ITPKB: variants seen among roughly 807,000 people sequenced by gnomAD.
ITPKB encodes inositol-trisphosphate 3-kinase B.
Under a neutral mutation model 69.4 loss-of-function variants are expected in ITPKB, and 13 were observed. The observed-to-expected ratio is 0.19, with a 90% CI of 0.12 to 0.30. The LOEUF (loss-of-function observed/expected upper bound fraction) is 0.30, where lower values mean the gene tolerates loss of function less well. Among genes scored for constraint, ITPKB ranks in the 10% least tolerant of loss-of-function variants. The pLI is 1.00. For missense variants in ITPKB, 1,240 were observed against 1,250.5 expected, an observed-to-expected ratio of 0.99 and a Z score of 0.13; for synonymous variants, 584 against 513.7, an observed-to-expected ratio of 1.14 and a Z score of -1.85.
rs968135651 is a variant in ITPKB at position 226,738,097 on chromosome 1, C to A, written c.-205-434G>T. 6.6e-6 allele frequency among the ~76,000 whole-genome samples: 1 copy of A among 152,150 alleles called. No homozygotes were observed. The highest frequency in any genetic ancestry group is 2.4e-5 in the African/African-American group (1 of 41,438). On this transcript the variant is annotated intron_variant, in intron 1 of 7. Coordinates refer to ENST00000429204, the MANE Select transcript of ITPKB (RefSeq NM_002221.4). The surrounding 1 kb of genome is among the most constrained non-coding windows in gnomAD (Gnocchi z 4.2). ...ACATTGGCTATCCAGGGCAACCCGG[C>A]AGCCCTCGCCCTGGGCTTCAGGGTC...
At chr1:226,667,116 G>C (rs1327446982) in intron 2 of ITPKB, among the ~76,000 whole-genome samples, 1 of 152,074 alleles carries the variant, frequency 6.6e-6, no homozygotes, top group African/African-American at 2.4e-5. Context: ...ACTCAAAAAG[G>C]CTAATCGCTT....
chr1:226,636,691 C>T (rs193064429), intron 7 of ITPKB, among the ~76,000 whole-genome samples: 3 of 152,112 alleles, frequency 2.0e-5, no homozygotes, highest in Non-Finnish European at 4.4e-5. Context: ...CTGCAGGGAG[C>T]CGCAGGATCC....
At chr1:226,715,179 G>A (rs900378159) in intron 2 of ITPKB, among the ~76,000 whole-genome samples, 30 of 152,210 alleles carry the variant, frequency 2.0e-4, no homozygotes, top group African/African-American at 7.0e-4. Flanking sequence ...ACTAAACTTC[G>A]AATCCCTAGA....
chr1:226,657,983 A>C (rs1385599422), intron 2 of ITPKB, among the ~76,000 whole-genome samples: 1 of 152,224 alleles, frequency 6.6e-6, no homozygotes, highest in Non-Finnish European at 1.5e-5. Flanking sequence ...GAACGTCCTT[A>C]CTGACACACG....
Position 226,641,880 on chromosome 1 carries a change from C to T in ITPKB, c.2451+41G>A, listed in dbSNP as rs747077852. ...GAGAAGCCAAGCCCCCTGAGGTGGG[C>T]ACGGGTGGGGCCCGAGGCTGCCCTC... On this transcript the variant is annotated intron_variant, in intron 5 of 7. Transcript: ENST00000429204. This position sits in a 1 kb window ranked among gnomAD's most constrained non-coding sequence, Gnocchi z 4.6. 7 of 1,572,892 alleles carry T rather than the reference C, an allele frequency of 4.5e-6. No individual in the cohort carries two copies. The highest frequency in any genetic ancestry group is 2.1e-4 in the Middle Eastern group (1 of 4,750).
intron 2 of ITPKB, among the ~76,000 whole-genome samples, chr1:226,661,137 T>C (rs1043472342): frequency 4.6e-5 from 7 of 152,180 alleles, no homozygotes; most frequent in African/African-American, 1.4e-4. Context: ...CTCAGCCCCA[T>C]CTCCACCCCC....
At chr1:226,701,253 G>A (rs1656629185) in intron 2 of ITPKB, among the ~76,000 whole-genome samples, 1 of 151,942 alleles carries the variant, frequency 6.6e-6, no homozygotes, top group Non-Finnish European at 1.5e-5. Context: ...CACCCCAACA[G>A]TAGAATTCCT....
Position 226,736,747 on chromosome 1 carries a change from G to A in ITPKB, c.712C>T (p.Pro238Ser), listed in dbSNP as rs1032441054. The A allele has an allele frequency of 3.7e-6, 6 of 1,612,744 alleles. No homozygotes were observed. The highest frequency in any genetic ancestry group is 5.1e-6 in the Non-Finnish European group (6 of 1,179,836). Residue 238 changes from proline (P) to serine (S), a missense_variant, in exon 2 of 8, where the codon CCC (proline) becomes TCC (serine). By Grantham distance (74) the Pro-to-Ser change is moderately conservative (BLOSUM62 -1). Coordinates refer to ENST00000429204, the MANE Select transcript of ITPKB (RefSeq NM_002221.4). ...GATCCTGTAGGGGCAGCCCGGCCGG[G>A]AAGAGGTGGCATTCCTTTCTTCACC... is the stretch of plus-strand genomic sequence containing the variant. ...SQVKKGMPPL[P>S]GRAAPTGSEA...
intron 2 of ITPKB, among the ~76,000 whole-genome samples, chr1:226,663,512 C>CT (rs369058939): frequency 3.2e-4 from 47 of 148,810 alleles, no homozygotes; most frequent in African/African-American, 7.6e-4. Context: ...TCTTTCTTTT[C>CT]TTTTTTTTTT....
At position 226,722,509 on chromosome 1, in the gene ITPKB, G is replaced by A. The variant is rs1197813082; in HGVS notation, c.1932+13018C>T. Among the ~76,000 whole-genome samples the A allele has an allele frequency of 3.9e-5, 6 of 152,202 alleles. No homozygotes were observed. In the East Asian group the frequency reaches 1.2e-3, roughly 29 times the overall value. On this transcript the variant is annotated intron_variant, in intron 2 of 7. Coordinates refer to ENST00000429204, the MANE Select transcript of ITPKB (RefSeq NM_002221.4). ...TTTAATGTACAGTGTAATACCGCAAGGTAAACAGCATCCCAGACGCTGCTC... is the reference window on the plus strand; with the variant it reads ...TTTAATGTACAGTGTAATACCGCAAAGTAAACAGCATCCCAGACGCTGCTC...
At chr1:226,646,375 ACCCGGCTGCCTAAAACTGAGC>A (rs1669062848) in intron 4 of ITPKB, among the ~76,000 whole-genome samples, 1 of 151,772 alleles carries the variant, frequency 6.6e-6, no homozygotes, top group South Asian at 2.1e-4. Flanking sequence ...TAATGAGAAA[ACCCGGCTGCCTAAAACTGAGC>A]CCCGAGATCA....
intron 2 of ITPKB, among the ~76,000 whole-genome samples, chr1:226,687,839 G>C (rs1432604909): frequency 2.0e-5 from 3 of 152,166 alleles, no homozygotes; most frequent in Admixed American, 6.5e-5. Context: ...CATAGGGATG[G>C]AGGTAAAAAG....
At chr1:226,711,405 A>AAGAGAGAGAGAGAG (rs59479705) in intron 2 of ITPKB, among the ~76,000 whole-genome samples, 4 of 129,788 alleles carry the variant, frequency 3.1e-5, no homozygotes, top group African/African-American at 5.9e-5. Context: ...GGTGTTTTGA[A>AAGAGAGAGAGAGAG]AGAGAGAGAG....
chr1:226,699,904 G>A (rs1030810424), intron 2 of ITPKB, among the ~76,000 whole-genome samples: 1 of 152,138 alleles, frequency 6.6e-6, no homozygotes, highest in African/African-American at 2.4e-5. Flanking sequence ...TGCAAGCTGA[G>A]AAGCAAGGAG....
chr1:226,679,327 CTG>C (rs1301565359), intron 2 of ITPKB, among the ~76,000 whole-genome samples: 2 of 152,178 alleles, frequency 1.3e-5, no homozygotes, highest in Non-Finnish European at 2.9e-5. Flanking sequence ...AAAGTGAACT[CTG>C]ATATTCCATG....
At chr1:226,660,550 C>T (rs1025585263) in intron 2 of ITPKB, among the ~76,000 whole-genome samples, 1 of 152,172 alleles carries the variant, frequency 6.6e-6, no homozygotes, top group Non-Finnish European at 1.5e-5. Context: ...CTCCTGGATT[C>T]CATCCTCTTA....
chr1:226,638,637 C>A (rs1438046297), intron 6 of ITPKB, among the ~76,000 whole-genome samples: 2 of 152,094 alleles, frequency 1.3e-5, no homozygotes, highest in East Asian at 3.9e-4. Context: ...ATCCAGTCTG[C>A]GAGCCGCTGC....
intron 2 of ITPKB, among the ~76,000 whole-genome samples, chr1:226,698,441 C>T (rs1360682870): frequency 6.6e-6 from 1 of 152,162 alleles, no homozygotes; most frequent in South Asian, 2.1e-4. Flanking sequence ...CTTTCAGAAT[C>T]GTAAGACTGG....
chr1:226,737,654 A>C lies in ITPKB; in HGVS notation c.-196T>G. The stretch of plus-strand genomic sequence containing the variant: ...AGCCCCCGCCCAAAGCTCCATAAAC[A>C]ACCGTGCGGCTGTGGAGATACAAGG... On this transcript the variant is annotated 5_prime_UTR_variant, in exon 2 of 8. Transcript: ENST00000429204. 7.6e-6 allele frequency: 8 copies of C among 1,057,884 alleles called. No individual in the cohort carries two copies. The highest frequency in any genetic ancestry group is 1.2e-4 in the East Asian group (2 of 16,662). The allele number at this position is 1,057,884 out of a possible 1,614,324, so 65.5% of individuals were successfully genotyped here. A position where few individuals can be genotyped will look rare whatever the true frequency, so the allele number is the denominator to read the frequency against.
Sources: allele counts gnomAD v4.1 joint callset (sites outside exome capture counted in the v4.1 genomes callset), GRCh38; gene constraint gnomAD v4.1.1; non-coding constraint Gnocchi (gnomAD v3.1); transcripts MANE v1.5; gene names NCBI Gene and HGNC (gene_info 2026-07-23, HGNC 2026-07-21).